Variants in CNOT4 observed in about 807,000 individuals in gnomAD.
The protein encoded by CNOT4 is CCR4-associated factor 4.
Under a neutral mutation model 73.8 loss-of-function variants are expected in CNOT4, and 8 were observed. The ratio of observed to expected loss-of-function variants is 0.11; its 90% confidence interval spans 0.06 to 0.20. CNOT4 has a LOEUF of 0.20. CNOT4 is among the 10% of genes least tolerant of loss of function. The pLI, the probability that CNOT4 is intolerant of heterozygous loss-of-function variation, is 1.00. For synonymous variants in CNOT4, 293 were observed against 321.1 expected (o/e 0.91, Z 0.94); for missense variants, 564 against 883.4 (o/e 0.64, Z 4.58).
At chr7:135,500,687 A>C (rs907796816) in intron 1 of CNOT4, among the ~76,000 whole-genome samples, 1 of 152,338 alleles carries the variant, frequency 6.6e-6, no homozygotes, top group East Asian at 1.9e-4. Context: ...GGTAGCTAGA[A>C]ATATTTAATG....
chr7:135,413,371 A>T, intron 6 of CNOT4, 117 bp downstream of exon 6: 2 of 1,183,082 alleles, frequency 1.7e-6, no homozygotes, highest in Non-Finnish European at 1.2e-6. Flanking sequence ...ATGCTACTTT[A>T]AAGTAATATC....
intron 7 of CNOT4, among the ~76,000 whole-genome samples, 172 bp from the exon 8 acceptor site, chr7:135,398,398 T>G (rs1264108756): frequency 1.3e-5 from 2 of 151,910 alleles, no homozygotes; most frequent in East Asian, 3.8e-4. Context: ...GAAGTACAGG[T>G]TGAGCATCCC....
rs10085728 is a variant in CNOT4 at position 135,479,918 on chromosome 7, T to C, written c.-93+29971A>G. Among the ~76,000 whole-genome samples the C allele has an allele frequency of 9.1e-3, 1,385 of 152,114 alleles. 23 individuals are homozygous for C. The highest frequency in any genetic ancestry group is 0.032 in the African/African-American group (1,320 of 41,492). On this transcript the variant is annotated intron_variant, in intron 1 of 11. Coordinates refer to ENST00000541284, the MANE Select transcript of CNOT4 (RefSeq NM_001190850.2). ...AAAACAAAACAAAACAAAAAGAATTTGAGAGTTTATGTATTTTATAATGAG... is the reference window on the plus strand; with the variant it reads ...AAAACAAAACAAAACAAAAAGAATTCGAGAGTTTATGTATTTTATAATGAG...
chr7:135,379,435 A>G (rs1795714360), intron 10 of CNOT4, among the ~76,000 whole-genome samples: 2 of 152,208 alleles, frequency 1.3e-5, no homozygotes, highest in African/African-American at 4.8e-5. Flanking sequence ...TGGGTAGATT[A>G]ATTAGTAAAT....
At chr7:135,383,525 T>C (rs1795955713) in intron 10 of CNOT4, among the ~76,000 whole-genome samples, 1 of 152,192 alleles carries the variant, frequency 6.6e-6, no homozygotes, top group South Asian at 2.1e-4. Flanking sequence ...TGACCCAGGA[T>C]TCCCCAGGTG....
intron 1 of CNOT4, among the ~76,000 whole-genome samples, chr7:135,490,487 T>C (rs982138441): frequency 1.3e-5 from 2 of 152,174 alleles, no homozygotes; most frequent in African/African-American, 4.8e-5. Context: ...CAGTATTCCA[T>C]TCAAAGAAAC....
intron 1 of CNOT4, among the ~76,000 whole-genome samples, chr7:135,498,140 C>G (rs1803713485): frequency 6.6e-6 from 1 of 151,862 alleles, no homozygotes; most frequent in South Asian, 2.1e-4. Context: ...AGCCAACATT[C>G]ATATGTAGGA....
At chr7:135,480,296 T>C (rs904550769) in intron 1 of CNOT4, among the ~76,000 whole-genome samples, 5 of 152,250 alleles carry the variant, frequency 3.3e-5, no homozygotes, top group African/African-American at 1.2e-4. Context: ...ATCATTGATA[T>C]AGCACTCTCC....
rs74767671 is a variant in CNOT4 at position 135,492,523 on chromosome 7, C to T, written c.-93+17366G>A. On this transcript the variant is annotated intron_variant, in intron 1 of 11. Coordinates refer to ENST00000541284, the MANE Select transcript of CNOT4 (RefSeq NM_001190850.2). Reference sequence around the variant, plus strand: ...ATCAGTGGACTGACAGTTTTAATGACGGTGAGGAACTGTTGAGTTGAGGTA... The same window carrying T: ...ATCAGTGGACTGACAGTTTTAATGATGGTGAGGAACTGTTGAGTTGAGGTA... Among the ~76,000 whole-genome samples, 56 of 152,236 alleles carry T rather than the reference C, an allele frequency of 3.7e-4. No homozygotes were observed. In the East Asian group the frequency reaches 0.01, roughly 28 times the overall value.
In CNOT4 at chr7:135,362,670, C is replaced by T. The variant is rs754845653; in HGVS notation, c.*215G>A. 1 of 688,418 alleles carries T rather than the reference C, an allele frequency of 1.5e-6. No individual in the cohort carries two copies. The highest frequency in any genetic ancestry group is 1.5e-5 in the South Asian group (1 of 64,562). 42.6% of individuals were successfully genotyped at this position (688,418 alleles called of 1,614,324 possible). A position where few individuals can be genotyped will look rare whatever the true frequency, so the allele number is the denominator to read the frequency against. On this transcript the variant is annotated 3_prime_UTR_variant, in exon 12 of 12. Transcript: ENST00000541284. ...TTTTTAGAAACATTCAACAGTGTCA[C>T]TCAAATGCTGGATCAACAAAAATTT...
chr7:135,446,835 G>A (rs1361379004), intron 1 of CNOT4, among the ~76,000 whole-genome samples: 1 of 149,056 alleles, frequency 6.7e-6, no homozygotes, highest in Non-Finnish European at 1.5e-5. Context: ...AAGTGAAAAA[G>A]ATTAAAAAAA....
At chr7:135,380,519 AAC>A (rs1795786163) in intron 10 of CNOT4, among the ~76,000 whole-genome samples, 1 of 152,200 alleles carries the variant, frequency 6.6e-6, no homozygotes, top group African/African-American at 2.4e-5. Context: ...CAGCTTTGAA[AAC>A]CTACAGGATC....
In CNOT4 at chr7:135,438,338, G is replaced by C; in HGVS notation, c.-7C>G. ...CATCAGGACTGCGAGACATCTTCAC[G>C]TTTATTAAACAGCAGCAAAAGTTTA... On this transcript the variant is annotated 5_prime_UTR_variant, in exon 2 of 12. Coordinates refer to ENST00000541284, the MANE Select transcript of CNOT4 (RefSeq NM_001190850.2). The C allele has an allele frequency of 6.3e-7, 1 of 1,583,822 alleles. No homozygotes were observed. Among genetic ancestry groups the C allele is most frequent in the Non-Finnish European group, 8.6e-7 (1 of 1,165,380 alleles).
intron 2 of CNOT4, among the ~76,000 whole-genome samples, chr7:135,426,426 C>G (rs980116559): frequency 6.6e-6 from 1 of 151,592 alleles, no homozygotes; most frequent in Admixed American, 6.6e-5. Context: ...CACGGTGAAA[C>G]CCCATCTCTA....
intron 10 of CNOT4, among the ~76,000 whole-genome samples, chr7:135,381,474 T>C (rs1287655191): frequency 6.6e-6 from 1 of 152,236 alleles, no homozygotes; most frequent in East Asian, 1.9e-4. Flanking sequence ...CTAGAGCTCC[T>C]TGCACTGCCC....
intron 1 of CNOT4, among the ~76,000 whole-genome samples, chr7:135,487,550 T>G (rs944827553): frequency 1.3e-5 from 2 of 152,106 alleles, no homozygotes; most frequent in Non-Finnish European, 2.9e-5. Flanking sequence ...TAATTTTCCG[T>G]ACCTAAGCAG....
chr7:135,492,657 T>G (rs896149379), intron 1 of CNOT4, among the ~76,000 whole-genome samples: 1 of 152,090 alleles, frequency 6.6e-6, no homozygotes, highest in Admixed American at 6.5e-5. Flanking sequence ...TGAGGCCAGG[T>G]GTGGTGGCTC....
At chr7:135,401,321 T>G (rs1339844555) in intron 7 of CNOT4, among the ~76,000 whole-genome samples, 1 of 152,230 alleles carries the variant, frequency 6.6e-6, no homozygotes, top group African/African-American at 2.4e-5. Context: ...ATAAAAACTT[T>G]AATAAATACC....
intron 1 of CNOT4, among the ~76,000 whole-genome samples, chr7:135,453,577 G>A (rs1228254326): frequency 6.6e-6 from 1 of 151,534 alleles, no homozygotes; most frequent in Non-Finnish European, 1.5e-5. Context: ...GGGACATGGA[G>A]GAAGCGTACA....
Sources: allele counts gnomAD v4.1 joint callset (sites outside exome capture counted in the v4.1 genomes callset), GRCh38; gene constraint gnomAD v4.1.1; transcripts MANE v1.5; gene names NCBI Gene and HGNC (gene_info 2026-07-23, HGNC 2026-07-21).